Variants in PCDH9 observed in about 807,000 individuals in gnomAD.
The protein encoded by PCDH9 is protocadherin 9.
A neutral mutation model predicts 70.6 loss-of-function variants in PCDH9; 24 were observed. The ratio of observed to expected loss-of-function variants is 0.34; its 90% confidence interval spans 0.25 to 0.48. The LOEUF (loss-of-function observed/expected upper bound fraction) is 0.48. Among genes scored for constraint, PCDH9 ranks in the 20% least tolerant of loss-of-function variants. The pLI is 0.99. For synonymous variants in PCDH9, 562 were observed against 558.5 expected, an observed-to-expected ratio of 1.01 and a Z score of -0.09; for missense variants, 1,281 against 1,503.6, an observed-to-expected ratio of 0.85 and a Z score of 2.45.
rs148868669 is a variant in PCDH9 at position 66,562,551 on chromosome 13, A to G, written c.3340+68659T>C. ...CTTACATGGTAGCAGGCAAGAGAGC[A>G]TGTGCAGGGGAACTGCCCTTTATAA... On this transcript the variant is annotated intron_variant, in intron 4 of 4. Coordinates refer to ENST00000377865, the MANE Select transcript of PCDH9 (RefSeq NM_203487.3). Among the ~76,000 whole-genome samples the G allele has an allele frequency of 2.2e-3, 329 of 152,304 alleles. 3 individuals carry two copies. Among genetic ancestry groups the G allele is most frequent in the African/African-American group, 7.5e-3 (313 of 41,578 alleles).
intron 3 of PCDH9, among the ~76,000 whole-genome samples, chr13:66,676,973 C>T (rs1231674726): frequency 6.6e-6 from 1 of 151,966 alleles, no homozygotes; most frequent in East Asian, 1.9e-4. Context: ...GATTCATTTT[C>T]CAACTATTCA....
intron 3 of PCDH9, among the ~76,000 whole-genome samples, chr13:66,731,724 T>C (rs1215952010): frequency 6.6e-6 from 1 of 152,118 alleles, no homozygotes; most frequent in Non-Finnish European, 1.5e-5. Context: ...AAAGGAGATA[T>C]ATTATAAATA....
intron 2 of PCDH9, among the ~76,000 whole-genome samples, chr13:66,956,424 C>CA (rs1311344428): frequency 6.6e-6 from 1 of 152,114 alleles, no homozygotes; most frequent in Non-Finnish European, 1.5e-5. Flanking sequence ...ATGTGATAGT[C>CA]AAAAAGCCAT....
chr13:66,475,582 CT>C (rs1958709079), intron 4 of PCDH9, among the ~76,000 whole-genome samples: 1 of 152,002 alleles, frequency 6.6e-6, no homozygotes, highest in Non-Finnish European at 1.5e-5. Context: ...CCTCTTCTCC[CT>C]TTCACAATAT....
At chr13:66,410,338 G>A (rs9599112) in intron 4 of PCDH9, among the ~76,000 whole-genome samples, 14,208 of 152,138 alleles carry the variant, frequency 0.093, 846 homozygotes, top group East Asian at 0.13. Flanking sequence ...ATGTTCTTCA[G>A]TTTGGAAATG....
At chr13:67,187,895 T>C (rs986372393) in intron 2 of PCDH9, among the ~76,000 whole-genome samples, 31 of 152,092 alleles carry the variant, frequency 2.0e-4, no homozygotes, top group Non-Finnish European at 4.1e-4. Context: ...GCATTTACAA[T>C]TTTTTGTGAT....
chr13:66,810,648 T>G (rs1003445060), intron 3 of PCDH9, among the ~76,000 whole-genome samples: 1 of 152,022 alleles, frequency 6.6e-6, no homozygotes, highest in African/African-American at 2.4e-5. Flanking sequence ...TAGTATTCTT[T>G]ATTTTTATCA....
chr13:66,381,203 C>T (rs561816973), intron 4 of PCDH9, among the ~76,000 whole-genome samples: 2 of 152,268 alleles, frequency 1.3e-5, no homozygotes, highest in Non-Finnish European at 2.9e-5. Flanking sequence ...AGGGCTTCAA[C>T]TTTCTTTTCC....
At chr13:66,902,276 T>C in intron 3 of PCDH9, among the ~76,000 whole-genome samples, 1 of 151,552 alleles carries the variant, frequency 6.6e-6, no homozygotes, top group Middle Eastern at 3.2e-3. Flanking sequence ...GAAAAAGAAA[T>C]AGAATAAAAA....
chr13:66,382,059 A>T (rs1956858380), intron 4 of PCDH9, among the ~76,000 whole-genome samples: 1 of 152,188 alleles, frequency 6.6e-6, no homozygotes, highest in African/African-American at 2.4e-5. Context: ...CCAATGATTT[A>T]TTCTACAAAG....
chr13:66,604,277 G>A (rs929590671), intron 4 of PCDH9, among the ~76,000 whole-genome samples: 1 of 151,898 alleles, frequency 6.6e-6, no homozygotes, highest in South Asian at 2.1e-4. Flanking sequence ...TTTTGTCAAT[G>A]CACCTGGCTG....
intron 3 of PCDH9, among the ~76,000 whole-genome samples, chr13:66,845,744 C>T (rs1877637118): frequency 6.6e-6 from 1 of 152,106 alleles, no homozygotes; most frequent in African/African-American, 2.4e-5. Context: ...GCCGCCACTG[C>T]CATCAATACT....
At chr13:67,022,108 T>G (rs2084687692) in intron 2 of PCDH9, among the ~76,000 whole-genome samples, 1 of 1,814 alleles carries the variant, frequency 5.5e-4, no homozygotes, top group African/African-American at 8.6e-4. Flanking sequence ...GTGATGTTCT[T>G]TTTTTTTTTT....
At chr13:66,394,947 A>G (rs1206998896) in intron 4 of PCDH9, among the ~76,000 whole-genome samples, 1 of 152,216 alleles carries the variant, frequency 6.6e-6, no homozygotes, top group African/African-American at 2.4e-5. Context: ...GGGAGTATAT[A>G]TATTTTAAGT....
intron 4 of PCDH9, among the ~76,000 whole-genome samples, chr13:66,508,016 T>C (rs527929591): frequency 6.6e-6 from 1 of 152,282 alleles, no homozygotes; most frequent in East Asian, 1.9e-4. Flanking sequence ...CCATCGCACC[T>C]GGCCCTACCT....
At chr13:66,977,793 G>A (rs2083651291) in intron 2 of PCDH9, among the ~76,000 whole-genome samples, 1 of 152,076 alleles carries the variant, frequency 6.6e-6, no homozygotes, top group Non-Finnish European at 1.5e-5. Flanking sequence ...CCAGAAAAGA[G>A]TGCTGGGAAA....
intron 2 of PCDH9, among the ~76,000 whole-genome samples, chr13:67,167,226 C>T (rs541819815): frequency 6.6e-6 from 1 of 152,240 alleles, no homozygotes; most frequent in Admixed American, 6.5e-5. Flanking sequence ...AATATGGGGT[C>T]AGGCTACATA....
At chr13:67,158,422 G>A (rs2087868819) in intron 2 of PCDH9, among the ~76,000 whole-genome samples, 1 of 152,182 alleles carries the variant, frequency 6.6e-6, no homozygotes. Context: ...TGTTTTCCCA[G>A]AATTTGTTTG....
At chr13:66,413,669 G>A (rs1593938314) in intron 4 of PCDH9, among the ~76,000 whole-genome samples, 1 of 151,776 alleles carries the variant, frequency 6.6e-6, no homozygotes, top group Non-Finnish European at 1.5e-5. Context: ...CTGGGCAACA[G>A]AGCGAGACTC....
Sources: gnomAD v4.1 joint callset for allele counts (sites outside exome capture counted in the v4.1 genomes callset) on GRCh38, gnomAD v4.1.1 for gene constraint, MANE v1.5 for transcripts, NCBI Gene and HGNC (gene_info 2026-07-23, HGNC 2026-07-21) for gene names.